The following CAPN3 variants were observed in gnomAD, a reference collection of about 807,000 sequenced individuals.
CAPN3 encodes calpain 3, also known as calpain-3.
In CAPN3, 88 loss-of-function variants were observed where a neutral mutation model predicts 114.0. That is an observed-to-expected ratio of 0.77 (90% confidence interval 0.65 to 0.92). The LOEUF (loss-of-function observed/expected upper bound fraction) is 0.92, where lower values mean the gene tolerates loss of function less well. Among genes scored for constraint, CAPN3 ranks in the 40% least tolerant of loss-of-function variants. The probability of loss-of-function intolerance (pLI) is 0.00; values close to 1 mark genes in which losing one functional copy is unlikely to be tolerated. For synonymous variants in CAPN3, 386 were observed against 382.9 expected (o/e 1.01, Z -0.09); for missense variants, 1,028 against 1,069.0 (o/e 0.96, Z 0.53).
At chr15:42,391,890 G>A (rs1167675852) in intron 6 of CAPN3, among the ~76,000 whole-genome samples, 2 of 152,194 alleles carry the variant, frequency 1.3e-5, no homozygotes, top group African/African-American at 4.8e-5. Context: ...TTGGCCAGGC[G>A]CAGTGGCTCA....
rs144179913 is a variant in CAPN3 at position 42,379,040 on chromosome 15, G to A, written c.310-5443G>A. 4.9e-3 allele frequency among the ~76,000 whole-genome samples: 741 copies of A among 152,240 alleles called. 4 individuals are homozygous for A. Among genetic ancestry groups the A allele is most frequent in the Non-Finnish European group, 8.6e-3 (586 of 68,014 alleles). On this transcript the variant is annotated intron_variant, in intron 1 of 23. Transcript: ENST00000397163. ...TATTCTTTTAAATTGGTTGCCGGAC[G>A]CAGTGGCGCACCCCTATAATCCTAG...
chr15:42,373,213 G>A (rs1435313129), intron 1 of CAPN3, among the ~76,000 whole-genome samples: 2 of 152,178 alleles, frequency 1.3e-5, no homozygotes, highest in African/African-American at 2.4e-5. Flanking sequence ...AAATAAATAA[G>A]TAAAGTCATT....
rs74682480 is a variant in CAPN3, at chr15:42,366,131, G to A, written c.309+6017G>A. On this transcript the variant is annotated intron_variant, in intron 1 of 23. Transcript: ENST00000397163. ...TAATGTAAGTTGCATCACAGTTTCA[G>A]AGATGTGAGAGAAATTCAGAAATGT... Among the ~76,000 whole-genome samples, 1,384 of 152,340 alleles carry A rather than the reference G, an allele frequency of 9.1e-3. 18 individuals carry two copies. The highest frequency in any genetic ancestry group is 0.032 in the African/African-American group (1,319 of 41,566).
chr15:42,364,184 A>T (rs1176015864), intron 1 of CAPN3, among the ~76,000 whole-genome samples: 1 of 152,098 alleles, frequency 6.6e-6, no homozygotes, highest in Non-Finnish European at 1.5e-5. Context: ...CTCTGAGGTC[A>T]GATAACCTAA....
intron 13 of CAPN3, among the ~76,000 whole-genome samples, chr15:42,403,392 T>G (rs1378187883): frequency 6.6e-6 from 1 of 152,112 alleles, no homozygotes; most frequent in Non-Finnish European, 1.5e-5. Context: ...AAATTTTAGG[T>G]TAGCATGGCC....
At chr15:42,386,063 G>C (rs1034607327) in intron 2 of CAPN3, 104 bp from the exon 3 acceptor site, 2 of 821,314 alleles carry the variant, frequency 2.4e-6, no homozygotes, top group Admixed American at 1.7e-5. Flanking sequence ...TGGGCACCAA[G>C]GGAGTCCCCG....
At chr15:42,371,805 A>G (rs561602547) in intron 1 of CAPN3, among the ~76,000 whole-genome samples, 2 of 152,204 alleles carry the variant, frequency 1.3e-5, no homozygotes, top group Admixed American at 1.3e-4. Context: ...CTCTACTAAA[A>G]ATACAAAAAT....
Position 42,411,907 on chromosome 15 carries a change from C to T in CAPN3, c.*134C>T, listed in dbSNP as rs3098423. 1,524,147 of 1,569,722 alleles carry T rather than the reference C, an allele frequency of 0.97. 740,117 individuals are homozygous for T. Among genetic ancestry groups the T allele is most frequent in the East Asian group, 1 (42,699 of 42,702 alleles). On this transcript the variant is annotated 3_prime_UTR_variant, in exon 24 of 24. Transcript: ENST00000397163. ...GCTTCCAGGCACCTCATCAGTCATG[C>T]TCCTCCTCCATTTTACCCCCTACCC...
chr15:42,390,095 G>C lies in CAPN3; in HGVS notation c.944G>C (p.Arg315Pro), dbSNP rs201155077. The C allele has an allele frequency of 6.2e-7, 1 of 1,614,044 alleles. No homozygotes were observed. Among genetic ancestry groups the C allele is most frequent in the Non-Finnish European group, 8.5e-7 (1 of 1,180,006 alleles). ...AGAGGCTCAGATGAAAGACCGACCCGGGTGTGTACACCTCCGATTATCAGA... is the reference window on the plus strand; with the variant it reads ...AGAGGCTCAGATGAAAGACCGACCCCGGTGTGTACACCTCCGATTATCAGA... ...DPRGSDERPT[R>P]TIIPVQYETR... The change falls in exon 6 of 24, where the codon CGG (arginine) becomes CCG (proline). Residue 315 changes from arginine to proline, a missense_variant and splice_region_variant. Transcript: ENST00000397163.
intron 1 of CAPN3, among the ~76,000 whole-genome samples, chr15:42,374,700 A>G (rs558272180): frequency 9.9e-5 from 15 of 151,482 alleles, no homozygotes; most frequent in East Asian, 5.8e-4. Context: ...GTTATTTTCT[A>G]TTCCTGAGCT....
chr15:42,363,440 T>G (rs1047448272), intron 1 of CAPN3, among the ~76,000 whole-genome samples: 3 of 152,166 alleles, frequency 2.0e-5, no homozygotes, highest in Non-Finnish European at 1.5e-5. Flanking sequence ...TCGTGTTTCA[T>G]TCCATGGGGT....
chr15:42,393,603 T>A (rs1348867275), intron 7 of CAPN3, among the ~76,000 whole-genome samples: 7 of 151,540 alleles, frequency 4.6e-5, no homozygotes, highest in African/African-American at 1.7e-4. Flanking sequence ...TTCTTTTTTT[T>A]TTTTTTTTGA....
Position 42,396,806 on chromosome 15 carries a change from G to T in CAPN3, c.1122G>T (p.Lys374Asn). ...EWNGSWSDRWKDWSFVDKDEK... is the reference protein window; with the variant it reads ...EWNGSWSDRWNDWSFVDKDEK... The stretch of plus-strand genomic sequence containing the variant: ...TCCTCCATTTTCCCACCAGATGGAA[G>T]GACTGGAGCTTTGTGGACAAAGATG... The change falls in exon 9 of 24, where the codon AAG (lysine) becomes AAT (asparagine). Residue 374 changes from lysine (K) to asparagine (N), a missense_variant. Physicochemically the swap from Lys to Asn is moderately conservative, Grantham distance 94. Transcript: ENST00000397163. The T allele has an allele frequency of 6.2e-7, 1 of 1,613,510 alleles. No homozygotes were observed. The highest frequency in any genetic ancestry group is 8.5e-7 in the Non-Finnish European group (1 of 1,179,446).
chr15:42,360,188 T>C (rs1384855860), intron 1 of CAPN3, 74 bp downstream of exon 1: 5 of 1,544,520 alleles, frequency 3.2e-6, no homozygotes, highest in Non-Finnish European at 4.5e-6. Flanking sequence ...CTCCGGCAGC[T>C]CAGCTGTGCA....
intron 1 of CAPN3, among the ~76,000 whole-genome samples, chr15:42,366,054 C>G (rs763855360): frequency 1.3e-5 from 2 of 152,100 alleles, no homozygotes; most frequent in East Asian, 3.9e-4. Flanking sequence ...CAGAGGGTGT[C>G]CATGGAAGGT....
rs1175897430 is a variant in CAPN3, at chr15:42,384,331, G to A, written c.310-152G>A. ...AGAGGCTGAGGCAGGAGAATCACTT[G>A]AACCCCGGAGGCAGAGGTTTCAGTG... On this transcript the variant is annotated intron_variant, in intron 1 of 23. Transcript: ENST00000397163. 4.5e-6 allele frequency: 3 copies of A among 666,344 alleles called. No individual in the cohort carries two copies. In the East Asian group the frequency reaches 8.4e-5, roughly 19 times the overall value. The allele number at this position is 666,344 out of a possible 1,614,324, so 41.3% of individuals were successfully genotyped here.
chr15:42,392,804 T>G, intron 7 of CAPN3, 82 bp downstream of exon 7: 157 of 1,004,090 alleles, frequency 1.6e-4, no homozygotes, highest in Non-Finnish European at 2.3e-4. Flanking sequence ...TTGGGGCCCC[T>G]TCCCTGTCTG....
At chr15:42,384,442 T>C (rs2053330994) in intron 1 of CAPN3, 41 bp from the exon 2 acceptor site, 1 of 1,399,172 alleles carries the variant, frequency 7.1e-7, no homozygotes, top group Non-Finnish European at 1.0e-6. Flanking sequence ...TCTGTCTATC[T>C]ACTGTTATTC....
At chr15:42,409,205 C>CGT in intron 16 of CAPN3, 98 bp from the exon 17 acceptor site, 1 of 1,108,808 alleles carries the variant, frequency 9.0e-7, no homozygotes, top group African/African-American at 1.5e-5. Flanking sequence ...CACCTCCGGC[C>CGT]GTTTTAGGCA....
Sources: allele counts gnomAD v4.1 joint callset (sites outside exome capture counted in the v4.1 genomes callset), GRCh38; gene constraint gnomAD v4.1.1; transcripts MANE v1.5; gene names NCBI Gene and HGNC (gene_info 2026-07-23, HGNC 2026-07-21).